STX3: variants seen among roughly 807,000 people sequenced by gnomAD.
The protein encoded by STX3 is syntaxin-3.
Under a neutral mutation model 40.2 loss-of-function variants are expected in STX3, and 19 were observed. The ratio of observed to expected loss-of-function variants is 0.47; its 90% confidence interval spans 0.33 to 0.69. The LOEUF is 0.69. Among genes scored for constraint, STX3 ranks in the 30% least tolerant of loss-of-function variants. STX3 has a pLI of 0.02. For missense variants in STX3, 364 were observed against 366.7 expected, an observed-to-expected ratio of 0.99 and a Z score of 0.06; for synonymous variants, 122 against 132.2, an observed-to-expected ratio of 0.92 and a Z score of 0.53.
intron 2 of STX3, among the ~76,000 whole-genome samples, chr11:59,777,952 G>C (rs952800686): frequency 6.6e-6 from 1 of 152,134 alleles, no homozygotes; most frequent in African/African-American, 2.4e-5. Flanking sequence ...TTTACTGTCT[G>C]GTGCCTTTAC....
intron 1 of STX3, among the ~76,000 whole-genome samples, chr11:59,756,399 C>T (rs1287868864): frequency 6.6e-6 from 1 of 152,148 alleles, no homozygotes; most frequent in Non-Finnish European, 1.5e-5. Flanking sequence ...GGTTTTAAGC[C>T]AGATATTCAT....
intron 9 of STX3, 77 bp downstream of exon 9, chr11:59,795,559 T>C (rs562429491): frequency 1.0e-3 from 1,600 of 1,549,808 alleles, no homozygotes; most frequent in Non-Finnish European, 1.4e-3. Flanking sequence ...TCCCTCTCCC[T>C]GTCTCTGTTT....
At chr11:59,766,223 C>A (rs1330288022) in intron 1 of STX3, among the ~76,000 whole-genome samples, 1 of 152,212 alleles carries the variant, frequency 6.6e-6, no homozygotes, top group African/African-American at 2.4e-5. Context: ...TTCTTTGTCT[C>A]ATTCTGCCTT....
intron 2 of STX3, among the ~76,000 whole-genome samples, chr11:59,777,059 G>A (rs1864004661): frequency 6.6e-6 from 1 of 152,232 alleles, no homozygotes; most frequent in Admixed American, 6.5e-5. Flanking sequence ...GGGATCCAAT[G>A]TTCTGTGACA....
At position 59,793,191 on chromosome 11, in the gene STX3, C is replaced by G; in HGVS notation, c.540+19C>G. ...TTCTGGGGTGAGTGCCCTGTGTGCTCGGATAGCACATCCCTCTCGTGAGCA... is the reference window on the plus strand; with the variant it reads ...TTCTGGGGTGAGTGCCCTGTGTGCTGGGATAGCACATCCCTCTCGTGAGCA... On this transcript the variant is annotated intron_variant, in intron 7 of 10. Coordinates refer to ENST00000337979, the MANE Select transcript of STX3 (RefSeq NM_004177.5). 9 of 1,612,024 alleles carry G rather than the reference C, an allele frequency of 5.6e-6. No homozygotes were observed. The highest frequency in any genetic ancestry group is 7.6e-6 in the Non-Finnish European group (9 of 1,179,366).
Position 59,793,383 on chromosome 11 carries a change from A to C in STX3, c.544A>C (p.Ile182Leu), listed in dbSNP as rs778822831. Residue 182 changes from isoleucine to leucine, a missense_variant, in exon 8 of 11, where the codon ATT becomes CTT. By Grantham distance (5) the Ile-to-Leu change is conservative. Transcript: ENST00000337979. ...GTCTGTGTGTGGCCTGTTGTAGATC[A>C]TTGACTCACAGATTTCCAAGCAAGC... The part of the protein sequence containing the change: ...GNPAIFTSGI[I>L]DSQISKQALS... The C allele has an allele frequency of 1.9e-6, 3 of 1,613,694 alleles. No individual in the cohort carries two copies. The South Asian group carries it at 3.3e-5, about 18-fold the overall frequency.
At chr11:59,781,494 G>C in intron 2 of STX3, 9 of 1,613,790 alleles carry the variant, frequency 5.6e-6, no homozygotes, top group Non-Finnish European at 7.6e-6. Flanking sequence ...ATCAGCTGTG[G>C]TTTCTTCAAA....
chr11:59,781,952 A>G (rs1864410865), intron 2 of STX3, among the ~76,000 whole-genome samples: 1 of 152,240 alleles, frequency 6.6e-6, no homozygotes, highest in South Asian at 2.1e-4. Flanking sequence ...GTAAATATGC[A>G]GCAATTAATG....
Position 59,802,944 on chromosome 11 carries a change from G to C in STX3, c.*2120G>C. On this transcript the variant is annotated 3_prime_UTR_variant, in exon 11 of 11. Transcript: ENST00000337979. ...TTTGGTTCAGTCCTTGGGAGTATCT[G>C]GCTTTAGGAGGAAATGGGGGAGATC... The C allele has an allele frequency of 1.0e-6, 1 of 985,374 alleles. No individual in the cohort carries two copies. The highest frequency in any genetic ancestry group is 1.2e-6 in the Non-Finnish European group (1 of 829,928). The allele number at this position is 985,374 out of a possible 1,614,324, so 61.0% of individuals were successfully genotyped here.
chr11:59,772,327 T>G (rs1863700166), intron 1 of STX3, among the ~76,000 whole-genome samples: 1 of 152,196 alleles, frequency 6.6e-6, no homozygotes, highest in African/African-American at 2.4e-5. Context: ...GCTCAGGCCC[T>G]TATGCTGGGT....
intron 2 of STX3, among the ~76,000 whole-genome samples, chr11:59,783,442 A>G (rs1248080541): frequency 1.3e-5 from 2 of 152,196 alleles, no homozygotes; most frequent in Non-Finnish European, 2.9e-5. Context: ...TAAAAAGGAG[A>G]TGATGATGGT....
At position 59,793,140 on chromosome 11, in the gene STX3, G is replaced by C. The variant is rs933019648; in HGVS notation, c.508G>C (p.Glu170Gln). The change falls in exon 7 of 11, where the codon GAG becomes CAG. Residue 170 changes from glutamate (E) to glutamine (Q), a missense_variant. Physicochemically the swap from Glu to Gln is conservative, Grantham distance 29 (BLOSUM62 2). Transcript: ENST00000337979. Reference sequence around the variant, plus strand: ...CGATGAGGAGCTGGAGGAGATGTTGGAGAGTGGCAACCCGGCCATCTTCAC... The same window carrying C: ...CGATGAGGAGCTGGAGGAGATGTTGCAGAGTGGCAACCCGGCCATCTTCAC... ...TTDEELEEML[E>Q]SGNPAIFTSG... 2 of 1,613,540 alleles carry C rather than the reference G, an allele frequency of 1.2e-6. No individual in the cohort carries two copies. The highest frequency in any genetic ancestry group is 1.7e-6 in the Non-Finnish European group (2 of 1,180,014).
intron 1 of STX3, among the ~76,000 whole-genome samples, chr11:59,768,767 G>A (rs1565165825): frequency 6.6e-6 from 1 of 152,142 alleles, no homozygotes; most frequent in Non-Finnish European, 1.5e-5. Context: ...GATTGGACCA[G>A]AGAGATAATG....
chr11:59,774,840 C>A (rs1420103663), intron 2 of STX3, among the ~76,000 whole-genome samples: 1 of 149,172 alleles, frequency 6.7e-6, no homozygotes, highest in East Asian at 1.9e-4. Flanking sequence ...CAAAAACAAA[C>A]AACAACAACA....
intron 2 of STX3, among the ~76,000 whole-genome samples, chr11:59,779,563 T>C (rs184081857): frequency 4.9e-4 from 74 of 152,352 alleles, no homozygotes; most frequent in Non-Finnish European, 8.5e-4. Flanking sequence ...TGTAGTGATA[T>C]AAGAAGCATA....
intron 1 of STX3, among the ~76,000 whole-genome samples, chr11:59,756,385 A>G (rs1204068166): frequency 1.3e-5 from 2 of 152,372 alleles, no homozygotes; most frequent in East Asian, 1.9e-4. Context: ...GGGTTAACGC[A>G]TAGGGTTTTA....
chr11:59,778,831 C>CT (rs112512362), intron 2 of STX3, among the ~76,000 whole-genome samples: 18,578 of 125,718 alleles, frequency 0.15, 1,647 homozygotes, highest in African/African-American at 0.26. Context: ...TTTTCTTTTC[C>CT]TTTTTTTTTT....
chr11:59,795,398 G>T lies in STX3; in HGVS notation c.702G>T (p.Leu234Phe). ...NQGEMLDNIE[L>F]NVMHTVDHVE... ...GTGAGATGTTAGATAACATAGAGTT[G>T]AATGTCATGCACACAGTGGACCACG... Residue 234 changes from leucine to phenylalanine, a missense_variant, in exon 9 of 11, where the codon TTG (leucine) becomes TTT (phenylalanine). Leu to Phe is a conservative substitution (Grantham distance 22). Transcript: ENST00000337979. 1 of 1,613,446 alleles carries T rather than the reference G, an allele frequency of 6.2e-7. No individual in the cohort carries two copies. Among genetic ancestry groups the T allele is most frequent in the South Asian group, 1.1e-5 (1 of 90,770 alleles).
chr11:59,755,511 C>T lies in STX3; in HGVS notation c.-95C>T. On this transcript the variant is annotated 5_prime_UTR_variant, in exon 1 of 11. Coordinates refer to ENST00000337979, the MANE Select transcript of STX3 (RefSeq NM_004177.5). ...CTCCAGCTCCTTCGCCCCGGCGGGC[C>T]CGGCCGCCGCTTCCGGCAGCTCACC... The T allele has an allele frequency of 2.8e-6, 4 of 1,421,594 alleles. No homozygotes were observed. The highest frequency in any genetic ancestry group is 3.7e-6 in the Non-Finnish European group (4 of 1,091,270). 88.1% of individuals were successfully genotyped at this position (1,421,594 alleles called of 1,614,324 possible).
Sources: allele counts gnomAD v4.1 joint callset (sites outside exome capture counted in the v4.1 genomes callset), GRCh38; gene constraint gnomAD v4.1.1; transcripts MANE v1.5; gene names NCBI Gene and HGNC (gene_info 2026-07-23, HGNC 2026-07-21).